Variants in SPINK5 observed in about 807,000 individuals in gnomAD.
SPINK5 encodes the protein serine protease inhibitor Kazal-type 5.
Under a neutral mutation model 151.8 loss-of-function variants are expected in SPINK5, and 125 were observed. That is an observed-to-expected ratio of 0.82 (90% CI 0.71 to 0.96). SPINK5 has a LOEUF of 0.96. Among genes scored for constraint, SPINK5 ranks in the 40% least tolerant of loss-of-function variants. The pLI is 0.00. For synonymous variants in SPINK5, 374 were observed against 395.3 expected, an observed-to-expected ratio of 0.95 and a Z score of 0.64; for missense variants, 1,194 against 1,291.9, an observed-to-expected ratio of 0.92 and a Z score of 1.16.
At chr5:148,084,050 A>G (rs1753090758) in intron 4 of SPINK5, among the ~76,000 whole-genome samples, 1 of 151,872 alleles carries the variant, frequency 6.6e-6, no homozygotes, top group African/African-American at 2.4e-5. Flanking sequence ...TTATGCAGAT[A>G]TCTTCTCTTA....
intron 19 of SPINK5, among the ~76,000 whole-genome samples, chr5:148,112,459 G>C (rs1753962896): frequency 1.3e-5 from 2 of 152,192 alleles, no homozygotes; most frequent in East Asian, 3.9e-4. Flanking sequence ...CAGATGACGA[G>C]GTCAAGAGAT....
rs114743834 is a variant in SPINK5 at position 148,125,115 on chromosome 5, A to T, written c.2739+278A>T. On this transcript the variant is annotated intron_variant, in intron 28 of 32. Coordinates refer to ENST00000256084, the MANE Select transcript of SPINK5 (RefSeq NM_006846.4). Reference sequence around the variant, plus strand: ...TATGGATTGAAAAGTAGAGGGTAACATTCTTTACCAACTCAACTGCATGCT... The same window carrying T: ...TATGGATTGAAAAGTAGAGGGTAACTTTCTTTACCAACTCAACTGCATGCT... 5.4e-3 allele frequency among the ~76,000 whole-genome samples: 815 copies of T among 152,236 alleles called. 8 individuals carry two copies. Among genetic ancestry groups the T allele is most frequent in the African/African-American group, 0.018 (754 of 41,540 alleles).
intron 4 of SPINK5, among the ~76,000 whole-genome samples, chr5:148,079,904 C>A (rs955839162): frequency 1.3e-5 from 2 of 150,814 alleles, no homozygotes; most frequent in East Asian, 2.0e-4. Context: ...AGGTTCTTAG[C>A]CAGTATAAGG....
At chr5:148,098,626 T>G (rs12657460) in intron 11 of SPINK5, among the ~76,000 whole-genome samples, 70,845 of 151,772 alleles carry the variant, frequency 0.47, 17,302 homozygotes, top group Admixed American at 0.59. Context: ...CAAAGCAAAT[T>G]TAGGCTTATT....
At chr5:148,101,463 G>A (rs1288617963) in intron 14 of SPINK5, 27 bp downstream of exon 14, 7 of 1,521,654 alleles carry the variant, frequency 4.6e-6, no homozygotes, top group African/African-American at 2.7e-5. Context: ...CAGCAACTCA[G>A]AGGGATATGG....
chr5:148,094,327 A>C, intron 8 of SPINK5, 27 bp from the exon 9 acceptor site: 1 of 1,608,608 alleles, frequency 6.2e-7, no homozygotes, highest in Non-Finnish European at 8.5e-7. Flanking sequence ...GAAATGAAGT[A>C]AAATAAATAT....
chr5:148,105,331 T>A (rs1204294041), intron 16 of SPINK5, among the ~76,000 whole-genome samples: 2 of 145,400 alleles, frequency 1.4e-5, no homozygotes, highest in African/African-American at 4.9e-5. Context: ...ATTATTCATA[T>A]CTCTGTTATT....
intron 1 of SPINK5, among the ~76,000 whole-genome samples, chr5:148,064,558 T>C (rs1254639975): frequency 2.0e-5 from 3 of 152,224 alleles, no homozygotes; most frequent in African/African-American, 7.2e-5. Context: ...TAGCTTATTT[T>C]AGTCTTGTGT....
At chr5:148,126,953 T>C in intron 29 of SPINK5, 30 bp from the exon 30 acceptor site, 1 of 1,532,812 alleles carries the variant, frequency 6.5e-7, no homozygotes, top group East Asian at 2.4e-5. Context: ...CTGTTTCTTA[T>C]TTTAAATTAT....
chr5:148,110,636 T>C (rs1753899816), intron 18 of SPINK5, among the ~76,000 whole-genome samples: 1 of 152,138 alleles, frequency 6.6e-6, no homozygotes, highest in Non-Finnish European at 1.5e-5. Flanking sequence ...TAGCACACTT[T>C]AGTGGCTTAA....
At chr5:148,113,450 T>A (rs975952160) in intron 20 of SPINK5, among the ~76,000 whole-genome samples, 1 of 152,240 alleles carries the variant, frequency 6.6e-6, no homozygotes, top group Admixed American at 6.5e-5. Context: ...TTCTTTCTAG[T>A]ACACTATTTG....
intron 4 of SPINK5, among the ~76,000 whole-genome samples, chr5:148,078,376 G>C (rs4357026): frequency 0.75 from 112,452 of 150,734 alleles, 43,223 homozygotes; most frequent in African/African-American, 0.92. Flanking sequence ...TTAAAATACT[G>C]ATAGAACAGC....
intron 13 of SPINK5, 91 bp from the exon 14 acceptor site, chr5:148,101,264 G>A (rs1327277360): frequency 3.2e-6 from 3 of 931,900 alleles, no homozygotes; most frequent in Admixed American, 3.9e-5. Context: ...TTTAATCGTT[G>A]TTAAGTGTAA....
intron 4 of SPINK5, among the ~76,000 whole-genome samples, chr5:148,084,791 C>T (rs1753110031): frequency 6.6e-6 from 1 of 151,846 alleles, no homozygotes; most frequent in African/African-American, 2.4e-5. Context: ...AATTGCCGTT[C>T]TCTATGCCCA....
chr5:148,117,317 A>G (rs955388554), intron 22 of SPINK5, among the ~76,000 whole-genome samples: 2 of 152,180 alleles, frequency 1.3e-5, no homozygotes, highest in African/African-American at 2.4e-5. Context: ...TGTCTTGTTC[A>G]TAACTTGGTC....
At position 148,137,237 on chromosome 5, in the gene SPINK5, A is replaced by G; in HGVS notation, c.*246A>G. The G allele has an allele frequency of 3.5e-6, 2 of 575,358 alleles. No individual in the cohort carries two copies. The highest frequency in any genetic ancestry group is 6.2e-6 in the Non-Finnish European group (2 of 323,364). 35.6% of individuals were successfully genotyped at this position (575,358 alleles called of 1,614,324 possible). On this transcript the variant is annotated 3_prime_UTR_variant, in exon 33 of 33. Transcript: ENST00000256084. ...GAGCCCTCAAAATGTCCTGATTACA[A>G]TGCTGTCTGTCCAACTGCCTGTTCA...
chr5:148,072,618 A>G (rs548098314), intron 4 of SPINK5, among the ~76,000 whole-genome samples: 3 of 152,152 alleles, frequency 2.0e-5, no homozygotes, highest in Admixed American at 6.6e-5. Flanking sequence ...CTGGATCTCA[A>G]TGTTTTCATC....
At chr5:148,068,554 C>CAAAAAAAAAAAAA (rs1166912306) in intron 2 of SPINK5, among the ~76,000 whole-genome samples, 4 of 89,226 alleles carry the variant, frequency 4.5e-5, no homozygotes, top group Non-Finnish European at 8.8e-5. Context: ...CCTGCCTCTC[C>CAAAAAAAAAAAAA]AAAAAAAAAA....
rs767576981 is a variant in SPINK5, at chr5:148,107,120, T to C, written c.1563T>C (p.Asp521=). 14 of 1,613,082 alleles carry C rather than the reference T, an allele frequency of 8.7e-6. No individual in the cohort carries two copies. The highest frequency in any genetic ancestry group is 9.3e-6 in the Non-Finnish European group (11 of 1,179,432). ...TREHNPVRGP[D]GKMHGNKCAM... is the part of the protein sequence containing the mutation. ...AGCATAATCCTGTCCGTGGCCCAGA[T>C]GGCAAAATGCATGGAAACAAGTGTG... Residue 521 remains aspartate, a synonymous_variant, in exon 17 of 33, where the codon GAT becomes GAC. Coordinates refer to ENST00000256084, the MANE Select transcript of SPINK5 (RefSeq NM_006846.4).
Sources: gnomAD v4.1 joint callset for allele counts (sites outside exome capture counted in the v4.1 genomes callset) on GRCh38, gnomAD v4.1.1 for gene constraint, MANE v1.5 for transcripts, NCBI Gene and HGNC (gene_info 2026-07-23, HGNC 2026-07-21) for gene names.